The following RBFOX1 variants were observed in gnomAD, a reference collection of about 807,000 sequenced individuals.
The protein encoded by RBFOX1 is RNA binding protein fox-1 homolog 1.
RBFOX1 carries 8 observed loss-of-function variants against 57.7 expected under a neutral mutation model. The ratio of observed to expected loss-of-function variants is 0.14; its 90% CI spans 0.08 to 0.25. RBFOX1 has a LOEUF of 0.25. Ranked by LOEUF, RBFOX1 falls within the 10% of genes least tolerant of loss-of-function variation. RBFOX1 has a pLI of 1.00. For missense variants in RBFOX1, 611 were observed against 548.5 expected, an observed-to-expected ratio of 1.11 and a Z score of -1.14; for synonymous variants, 326 against 222.4, an observed-to-expected ratio of 1.47 and a Z score of -4.15.
intron 2 of RBFOX1, among the ~76,000 whole-genome samples, chr16:6,467,804 G>C (rs773850375): frequency 6.6e-6 from 1 of 152,146 alleles, no homozygotes; most frequent in Non-Finnish European, 1.5e-5. Flanking sequence ...ATTTTGCAAA[G>C]CAGTAAATTA....
intron 1 of RBFOX1, among the ~76,000 whole-genome samples, chr16:5,432,516 G>A (rs935773819): frequency 5.8e-5 from 8 of 136,810 alleles, no homozygotes; most frequent in African/African-American, 1.1e-4. Flanking sequence ...CCAATTTATC[G>A]TCTTACCTTA....
intron 4 of RBFOX1, among the ~76,000 whole-genome samples, chr16:7,504,773 A>ATATATATATT (rs2072557994): frequency 3.2e-4 from 3 of 9,396 alleles, no homozygotes; most frequent in African/African-American, 7.1e-4. Flanking sequence ...ATATATATTT[A>ATATATATATT]TATATATATA....
At chr16:5,756,209 A>G (rs1456184999) in intron 3 of RBFOX1, among the ~76,000 whole-genome samples, 1 of 125,872 alleles carries the variant, frequency 7.9e-6, no homozygotes, top group Non-Finnish European at 1.6e-5. Flanking sequence ...CCCTTCTTAC[A>G]TCTTCCACAT....
chr16:7,132,867 C>T (rs534142834), intron 4 of RBFOX1, among the ~76,000 whole-genome samples: 14 of 152,204 alleles, frequency 9.2e-5, no homozygotes, highest in African/African-American at 1.7e-4. Flanking sequence ...AATGCTGCCA[C>T]GTGGTGATAA....
chr16:5,528,385 T>C (rs936753016), intron 2 of RBFOX1, among the ~76,000 whole-genome samples: 1 of 152,058 alleles, frequency 6.6e-6, no homozygotes, highest in Admixed American at 6.5e-5. Flanking sequence ...GGAGTATGTG[T>C]TGCACATTTA....
At chr16:6,393,452 C>G (rs957339612) in intron 2 of RBFOX1, among the ~76,000 whole-genome samples, 1 of 152,146 alleles carries the variant, frequency 6.6e-6, no homozygotes, top group East Asian at 1.9e-4. Context: ...TGCCCAGTCC[C>G]TATAAAAAGG....
intron 3 of RBFOX1, among the ~76,000 whole-genome samples, chr16:5,625,251 C>T: frequency 6.6e-6 from 1 of 151,976 alleles, no homozygotes; most frequent in East Asian, 1.9e-4. Context: ...TGTAGCAGGA[C>T]CTGGGCGTGG....
At chr16:6,209,816 T>C in intron 1 of RBFOX1, among the ~76,000 whole-genome samples, 1 of 152,216 alleles carries the variant, frequency 6.6e-6, no homozygotes, top group East Asian at 1.9e-4. Flanking sequence ...CTGCTTGTCC[T>C]ACAGTGAGGC....
chr16:5,570,771 T>C (rs1477366682), intron 2 of RBFOX1, among the ~76,000 whole-genome samples: 1 of 150,354 alleles, frequency 6.7e-6, no homozygotes, highest in Non-Finnish European at 1.5e-5. Context: ...ACCCGGGAGA[T>C]CGAGGTTGTA....
intron 1 of RBFOX1, among the ~76,000 whole-genome samples, chr16:6,119,519 G>T (rs1477113724): frequency 4.6e-5 from 7 of 152,196 alleles, no homozygotes; most frequent in Non-Finnish European, 2.9e-5. Flanking sequence ...TGGCCCAATG[G>T]TGATTTTCAA....
At position 6,818,172 on chromosome 16, in the gene RBFOX1, C is replaced by T. The variant is rs373590700; in HGVS notation, c.-16+163522C>T. Among the ~76,000 whole-genome samples the T allele has an allele frequency of 1.2e-4, 19 of 152,264 alleles. No homozygotes were observed. In the East Asian group the frequency reaches 3.3e-3, roughly 26 times the overall value. ...TGGTAGAGTACCAGGCATATGGCTTCCTGCCACAGGGATCCTGCTGTTGGT... is the reference window on the plus strand; with the variant it reads ...TGGTAGAGTACCAGGCATATGGCTTTCTGCCACAGGGATCCTGCTGTTGGT... On this transcript the variant is annotated intron_variant, in intron 3 of 15. Transcript: ENST00000550418.
intron 3 of RBFOX1, among the ~76,000 whole-genome samples, chr16:5,726,854 C>A (rs2052171448): frequency 6.6e-6 from 1 of 152,144 alleles, no homozygotes; most frequent in South Asian, 2.1e-4. Context: ...CAGCTACAAT[C>A]GTATTGTTTT....
intron 4 of RBFOX1, among the ~76,000 whole-genome samples, chr16:7,190,698 C>T (rs9930181): frequency 0.012 from 1,747 of 149,692 alleles, 32 homozygotes; most frequent in African/African-American, 0.041. Context: ...GCCATTCCAT[C>T]AACAAACAGA....
chr16:5,780,697 A>G lies in RBFOX1; in HGVS notation c.319-86606A>G, dbSNP rs56156478. ...CATTCTCCAGTCTGACATATGCTCAAAAGGCCACTCAGCTTCTGAAATTCC... is the reference window on the plus strand; with the variant it reads ...CATTCTCCAGTCTGACATATGCTCAGAAGGCCACTCAGCTTCTGAAATTCC... On this transcript the variant is annotated intron_variant, in intron 3 of 19. Transcript: ENST00000641259. Among the ~76,000 whole-genome samples the G allele has an allele frequency of 4.5e-3, 689 of 152,338 alleles. 6 individuals carry two copies. Among genetic ancestry groups the G allele is most frequent in the African/African-American group, 0.015 (632 of 41,568 alleles).
At chr16:5,803,224 G>A (rs866171892) in intron 3 of RBFOX1, among the ~76,000 whole-genome samples, 1 of 152,276 alleles carries the variant, frequency 6.6e-6, no homozygotes, top group Admixed American at 6.5e-5. Flanking sequence ...TACCCCGTGA[G>A]TATGTCAGCA....
At chr16:7,601,668 A>C (rs148236626) in intron 9 of RBFOX1, among the ~76,000 whole-genome samples, 26 of 152,298 alleles carry the variant, frequency 1.7e-4, no homozygotes, top group African/African-American at 5.5e-4. Flanking sequence ...AAAAGATCTC[A>C]AACATTTAAT....
In RBFOX1 at chr16:7,419,583, G is replaced by A. The variant is rs375177740; in HGVS notation, c.28-98564G>A. 2.6e-5 allele frequency among the ~76,000 whole-genome samples: 4 copies of A among 152,288 alleles called. No individual in the cohort carries two copies. In the East Asian group the frequency reaches 5.8e-4, roughly 22 times the overall value. On this transcript the variant is annotated intron_variant, in intron 4 of 15. Coordinates refer to ENST00000550418, the MANE Select transcript of RBFOX1 (RefSeq NM_018723.4). ...CGGCATATGCAAGCTTGGACCTCCT[G>A]CCTAATTAGCTGTTGATAACAGGGC... is the stretch of plus-strand genomic sequence containing the variant.
chr16:7,282,532 C>T (rs964765309), intron 4 of RBFOX1, among the ~76,000 whole-genome samples: 1 of 152,066 alleles, frequency 6.6e-6, no homozygotes, highest in Non-Finnish European at 1.5e-5. Context: ...CTGGAGCCTT[C>T]TGCTCTCTGT....
intron 3 of RBFOX1, among the ~76,000 whole-genome samples, chr16:5,663,898 T>G (rs2049744415): frequency 6.6e-6 from 1 of 152,176 alleles, no homozygotes; most frequent in East Asian, 1.9e-4. Flanking sequence ...GATGCTCCTA[T>G]TTTTGTTCCA....
Sources: gnomAD v4.1 joint callset for allele counts (sites outside exome capture counted in the v4.1 genomes callset) on GRCh38, gnomAD v4.1.1 for gene constraint, MANE v1.5 for transcripts, NCBI Gene and HGNC (gene_info 2026-07-23, HGNC 2026-07-21) for gene names.